Variants in C1QTNF9 observed in about 807,000 individuals in gnomAD.
The protein encoded by C1QTNF9 is C1q and TNF related 9, also known as complement C1q and tumor necrosis factor-related protein 9A.
A neutral mutation model predicts 10.1 loss-of-function variants in C1QTNF9; 6 were observed. The observed-to-expected ratio is 0.59, with a 90% CI of 0.32 to 1.17. The LOEUF is 1.17. C1QTNF9 is among the 50% of genes most tolerant of loss of function. The probability of loss-of-function intolerance (pLI) is 0.04; values close to 1 mark genes in which losing one functional copy is unlikely to be tolerated. For synonymous variants in C1QTNF9, 98 were observed against 163.5 expected (o/e 0.60, Z 3.06); for missense variants, 201 against 418.8 (o/e 0.48, Z 4.54).
upstream of C1QTNF9, among the ~76,000 whole-genome samples, chr13:24,309,412 A>G (rs1877729845): frequency 2.0e-5 from 3 of 151,828 alleles, no homozygotes; most frequent in Admixed American, 6.6e-5. Context: ...TGGTGCTGGT[A>G]GAATATGCTA....
chr13:24,322,508 C>G (rs1305656252), exon 4 of C1QTNF9: 1 of 152,244 alleles, frequency 6.6e-6, no homozygotes, highest in African/African-American at 2.4e-5. Flanking sequence ...ATAAAGTACA[C>G]AAACTGGGAG....
chr13:24,308,507 G>A (rs1281309635), upstream of C1QTNF9, among the ~76,000 whole-genome samples: 7 of 152,340 alleles, frequency 4.6e-5, no homozygotes, highest in South Asian at 1.4e-3. Flanking sequence ...AGATCCCGCC[G>A]CCCACCTGGG....
At chr13:24,312,750 A>G (rs768427400) in intron 1 of C1QTNF9, among the ~76,000 whole-genome samples, 5 of 151,852 alleles carry the variant, frequency 3.3e-5, no homozygotes, top group Non-Finnish European at 7.4e-5. Flanking sequence ...AGGTCAGGAA[A>G]TCGAGACCAT....
chr13:24,314,075 G>A lies in C1QTNF9; in HGVS notation c.-22-1907G>A, dbSNP rs552271078. The stretch of plus-strand genomic sequence containing the variant: ...GGCACACAATTGGCACACAGTTTTG[G>A]AACATTAGGAAGAATTTTAGGGATA... On this transcript the variant is annotated intron_variant, in intron 1 of 3. Coordinates refer to ENST00000332018, the Ensembl canonical transcript of C1QTNF9. Among the ~76,000 whole-genome samples, 11 of 152,228 alleles carry A rather than the reference G, an allele frequency of 7.2e-5. No individual in the cohort carries two copies. In the East Asian group the frequency reaches 1.4e-3, roughly 19 times the overall value.
At chr13:24,311,955 C>T (rs1877838323) in intron 1 of C1QTNF9, among the ~76,000 whole-genome samples, 1 of 152,192 alleles carries the variant, frequency 6.6e-6, no homozygotes, top group African/African-American at 2.4e-5. Flanking sequence ...CACTTTTGCT[C>T]ATCCCCATGG....
At chr13:24,314,556 C>A (rs1877956863) in intron 1 of C1QTNF9, among the ~76,000 whole-genome samples, 1 of 152,086 alleles carries the variant, frequency 6.6e-6, no homozygotes, top group Admixed American at 6.5e-5. Context: ...GGTGGTGGCG[C>A]CTGTAGTCCC....
rs1373498413 is a variant in C1QTNF9, at chr13:24,320,983, T to C, written c.230-13T>C. On this transcript the variant is annotated splice_polypyrimidine_tract_variant and intron_variant, in intron 3 of 3. Coordinates refer to ENST00000332018, the Ensembl canonical transcript of C1QTNF9. ...TCACAAGCTATCTCTTTATTTGCTCTTTCTCTATTTAGGAGCAGATGGAAA... is the reference window on the plus strand; with the variant it reads ...TCACAAGCTATCTCTTTATTTGCTCCTTCTCTATTTAGGAGCAGATGGAAA... 1.9e-6 allele frequency: 3 copies of C among 1,580,628 alleles called. No homozygotes were observed. The highest frequency in any genetic ancestry group is 2.6e-6 in the Non-Finnish European group (3 of 1,166,528).
intron 1 of C1QTNF9, among the ~76,000 whole-genome samples, chr13:24,311,563 G>T (rs71429877): frequency 0.012 from 1,776 of 152,270 alleles, 8 homozygotes; most frequent in Non-Finnish European, 0.018. Context: ...TGGGAGGGTT[G>T]TATGCCCAGT....
chr13:24,313,003 C>T (rs1593531796), intron 1 of C1QTNF9, among the ~76,000 whole-genome samples: 2 of 151,164 alleles, frequency 1.3e-5, no homozygotes, highest in East Asian at 3.9e-4. Context: ...AGGTGGTGAC[C>T]ACGTCTCTAA....
upstream of C1QTNF9, among the ~76,000 whole-genome samples, chr13:24,308,156 G>A (rs558697489): frequency 6.6e-6 from 1 of 152,372 alleles, no homozygotes; most frequent in African/African-American, 2.4e-5. Context: ...CTGTGCTTCC[G>A]TCGCTGGCTC....
intron 1 of C1QTNF9, among the ~76,000 whole-genome samples, chr13:24,313,145 G>C (rs572270290): frequency 3.3e-5 from 5 of 152,166 alleles, no homozygotes; most frequent in East Asian, 1.9e-4. Flanking sequence ...AGAAATAGTG[G>C]CACAACTTAC....
upstream of C1QTNF9, among the ~76,000 whole-genome samples, chr13:24,309,283 T>TTATATATATATATATATATGTATATATA (rs1877722418): frequency 1.5e-5 from 1 of 68,266 alleles, no homozygotes. Context: ...ACTTAAAGTA[T>TTATATATATATATATATATGTATATATA]TATATATATA....
intron 1 of C1QTNF9, among the ~76,000 whole-genome samples, chr13:24,310,685 G>A (rs1480719222): frequency 4.6e-5 from 7 of 151,378 alleles, no homozygotes; most frequent in South Asian, 2.1e-4. Context: ...AGGCTGAGGC[G>A]GGTGGATCAT....
chr13:24,314,645 T>C (rs9511191), intron 1 of C1QTNF9, among the ~76,000 whole-genome samples: 33,187 of 151,696 alleles, frequency 0.22, 4,040 homozygotes, highest in Middle Eastern at 0.33. Context: ...GCACTCCAGC[T>C]TGGGCCACAA....
chr13:24,310,773 G>C lies in C1QTNF9; in HGVS notation c.-23+1157G>C, dbSNP rs184786724. The stretch of plus-strand genomic sequence containing the variant: ...CTAAAAAACAAAAAATTAGCCAGGC[G>C]TGGTGGTGGGCGCCTGTAGTCCCAG... On this transcript the variant is annotated intron_variant, in intron 1 of 3. Coordinates refer to ENST00000332018, the Ensembl canonical transcript of C1QTNF9. Among the ~76,000 whole-genome samples the C allele has an allele frequency of 4.9e-3, 740 of 151,896 alleles. 3 individuals carry two copies. The highest frequency in any genetic ancestry group is 0.017 in the African/African-American group (700 of 41,466).
chr13:24,307,872 C>G (rs377164534), upstream of C1QTNF9, among the ~76,000 whole-genome samples: 6 of 152,356 alleles, frequency 3.9e-5, no homozygotes, highest in South Asian at 1.2e-3. Flanking sequence ...GCAGCAGCCC[C>G]GGAGGCTGGA....
chr13:24,315,978 T>G lies in C1QTNF9; in HGVS notation c.-22-4T>G. The stretch of plus-strand genomic sequence containing the variant: ...TCCTTTGGGTTTCTGTTTCCCTCTT[T>G]CAGTTCAGAGTCTGTCATCTGAACC... On this transcript the variant is annotated splice_region_variant and splice_polypyrimidine_tract_variant and intron_variant, in intron 1 of 3. Coordinates refer to ENST00000332018, the Ensembl canonical transcript of C1QTNF9. 6.2e-7 allele frequency: 1 copy of G among 1,613,320 alleles called. No individual in the cohort carries two copies. The highest frequency in any genetic ancestry group is 1.1e-5 in the South Asian group (1 of 91,040).
exon 4 of C1QTNF9, chr13:24,322,405 A>G (rs1878307471): frequency 6.6e-6 from 1 of 152,142 alleles, no homozygotes; most frequent in African/African-American, 2.4e-5. Context: ...TCATTTTCTA[A>G]CCTAGGTTTT....
chr13:24,322,504 T>C (rs1294821985), exon 4 of C1QTNF9: 3 of 152,240 alleles, frequency 2.0e-5, no homozygotes, highest in African/African-American at 7.2e-5. Flanking sequence ...TCTAATAAAG[T>C]ACACAAACTG....
Sources: allele counts gnomAD v4.1 joint callset (sites outside exome capture counted in the v4.1 genomes callset), GRCh38; gene constraint gnomAD v4.1.1; transcripts MANE v1.5; gene names NCBI Gene and HGNC (gene_info 2026-07-23, HGNC 2026-07-21).